ANKFY1: variants seen among roughly 807,000 people sequenced by gnomAD.
ANKFY1 encodes the protein ankyrin repeat and FYVE domain containing 1, also known as ankyrin repeat and FYVE domain-containing protein 1.
Under a neutral mutation model 128.3 loss-of-function variants are expected in ANKFY1, and 47 were observed. The observed-to-expected ratio is 0.37, with a 90% confidence interval of 0.29 to 0.47. The LOEUF is 0.47. Ranked by LOEUF, ANKFY1 falls within the 20% of genes least tolerant of loss-of-function variation. The pLI is 1.00. For missense variants in ANKFY1, 1,222 were observed against 1,510.6 expected, an observed-to-expected ratio of 0.81 and a Z score of 3.17; for synonymous variants, 553 against 601.6, an observed-to-expected ratio of 0.92 and a Z score of 1.18.
chr17:4,185,104 G>A, intron 11 of ANKFY1, 58 bp from the exon 12 acceptor site: 1 of 1,510,194 alleles, frequency 6.6e-7, no homozygotes, highest in Non-Finnish European at 9.0e-7. Flanking sequence ...TTCACAAAGA[G>A]CGTGGCAGCC....
intron 1 of ANKFY1, among the ~76,000 whole-genome samples, chr17:4,259,900 A>T (rs1338200949): frequency 6.6e-6 from 1 of 152,212 alleles, no homozygotes; most frequent in Non-Finnish European, 1.5e-5. Flanking sequence ...AACTGAACAG[A>T]CACTGAGTGA....
In ANKFY1 at chr17:4,172,617, A is replaced by T; in HGVS notation, c.3078T>A (p.Asp1026Glu). ...ACCCCGGCATGCATTCTAGGAAGAG[A>T]TCAAAGATGGCCGCTGCATTCTCCT... Reference protein sequence around the residue: ...YGKENAAAIFDLFLECMPGYP... With the variant: ...YGKENAAAIFELFLECMPGYP... The change falls in exon 22 of 25, where the codon GAT (aspartate) becomes GAA (glutamate). Residue 1026 changes from aspartate (D) to glutamate (E), a missense_variant. Asp to Glu is a conservative substitution (Grantham distance 45, BLOSUM62 2). Coordinates refer to ENST00000341657, the MANE Select transcript of ANKFY1 (RefSeq NM_001330063.2). The T allele has an allele frequency of 1.2e-6, 2 of 1,614,110 alleles. No homozygotes were observed. The highest frequency in any genetic ancestry group is 1.7e-6 in the Non-Finnish European group (2 of 1,179,980).
chr17:4,228,511 G>C (rs543247712), intron 3 of ANKFY1, among the ~76,000 whole-genome samples: 6 of 151,992 alleles, frequency 3.9e-5, no homozygotes, highest in Admixed American at 3.9e-4. Context: ...CTGCCTCCCA[G>C]GTTCAAGCAA....
intron 19 of ANKFY1, among the ~76,000 whole-genome samples, chr17:4,176,367 C>A (rs1201258836): frequency 4.6e-5 from 7 of 152,226 alleles, no homozygotes; most frequent in Admixed American, 4.6e-4. Context: ...CGACAGCCAG[C>A]TCTGAGGAGC....
rs1324242090 is a variant in ANKFY1 at position 4,169,576 on chromosome 17, G to A, written c.3287-288C>T. ...GTAGTCAGGGATGGCTGGGATGGAA[G>A]GCACGGTAGGGAGAGAACAGAGACC... On this transcript the variant is annotated intron_variant, in intron 23 of 24. Transcript: ENST00000341657. The surrounding 1 kb of genome is among the most constrained non-coding windows in gnomAD (Gnocchi z 5.0). 6.6e-6 allele frequency among the ~76,000 whole-genome samples: 1 copy of A among 152,224 alleles called. No individual in the cohort carries two copies. Among genetic ancestry groups the A allele is most frequent in the Non-Finnish European group, 1.5e-5 (1 of 68,042 alleles).
intron 14 of ANKFY1, among the ~76,000 whole-genome samples, chr17:4,182,658 C>A (rs1189363885): frequency 6.6e-6 from 1 of 152,216 alleles, no homozygotes; most frequent in Non-Finnish European, 1.5e-5. Context: ...CTTCCTTCCC[C>A]CACTCAGTCA....
chr17:4,196,215 GA>G (rs1487169627), intron 8 of ANKFY1, among the ~76,000 whole-genome samples: 1 of 137,378 alleles, frequency 7.3e-6, no homozygotes, highest in Non-Finnish European at 1.5e-5. Context: ...GCCGTTGGAG[GA>G]AAAAAATGAA....
intron 4 of ANKFY1, among the ~76,000 whole-genome samples, chr17:4,210,495 G>A (rs968530036): frequency 2.6e-5 from 4 of 152,144 alleles, no homozygotes; most frequent in Non-Finnish European, 5.9e-5. Flanking sequence ...GATCACCTGA[G>A]GTCGGGAGTT....
At chr17:4,214,640 C>G (rs1011552540) in intron 4 of ANKFY1, among the ~76,000 whole-genome samples, 6 of 151,918 alleles carry the variant, frequency 3.9e-5, no homozygotes, top group Non-Finnish European at 8.8e-5. Flanking sequence ...ATTCTCCTGC[C>G]TCAGCCTCCT....
rs113360679 is a variant in ANKFY1 at position 4,218,021 on chromosome 17, TAAAA to T, written c.323-907_323-904del. On this transcript the variant is annotated intron_variant, in intron 3 of 24. Coordinates refer to ENST00000341657, the MANE Select transcript of ANKFY1 (RefSeq NM_001330063.2). ...CTTTATGATAAAAAGACCTTACAAA[TAAAA>T]ATAAAAAGACGGATACCCAATGGAA... is the stretch of plus-strand genomic sequence containing the variant. Among the ~76,000 whole-genome samples, 169 of 152,084 alleles carry T rather than the reference TAAAA, an allele frequency of 1.1e-3. 1 individual carries two copies. The highest frequency in any genetic ancestry group is 3.9e-3 in the African/African-American group (162 of 41,472).
intron 1 of ANKFY1, among the ~76,000 whole-genome samples, chr17:4,261,365 A>G (rs1968405955): frequency 6.6e-6 from 1 of 152,172 alleles, no homozygotes; most frequent in South Asian, 2.1e-4. Context: ...CTGTAATCCC[A>G]GCTACTTGGG....
At chr17:4,183,710 T>TTA in intron 13 of ANKFY1, 102 bp downstream of exon 13, 2 of 1,418,942 alleles carry the variant, frequency 1.4e-6, no homozygotes. Flanking sequence ...AACCAAATGA[T>TTA]TAGCCCAGTC....
rs1411171420 is a variant in ANKFY1 at position 4,197,448 on chromosome 17, A to T, written c.1028T>A (p.Met343Lys). 2.5e-6 allele frequency: 4 copies of T among 1,614,114 alleles called. No individual in the cohort carries two copies. The highest frequency in any genetic ancestry group is 2.7e-5 in the African/African-American group (2 of 74,936). The part of the protein sequence containing the change: ...YSSKKHSADV[M>K]SEMAQIAEAL... ...CTCTGCAATCTGCGCCATCTCAGAC[A>T]TCACATCTGCTGAGTGTTTCTTTGA... The change falls in exon 8 of 25, where the codon ATG becomes AAG. Residue 343 changes from methionine to lysine, a missense_variant. By Grantham distance (95) the Met-to-Lys change is moderately conservative. Transcript: ENST00000341657.
chr17:4,238,253 G>A (rs1024698036), intron 2 of ANKFY1, among the ~76,000 whole-genome samples: 1 of 149,368 alleles, frequency 6.7e-6, no homozygotes, highest in Non-Finnish European at 1.5e-5. Flanking sequence ...CTACTAAGAT[G>A]TACATAAAAA....
chr17:4,218,959 T>A (rs1014886543), intron 3 of ANKFY1, among the ~76,000 whole-genome samples: 1 of 152,072 alleles, frequency 6.6e-6, no homozygotes, highest in Non-Finnish European at 1.5e-5. Context: ...ATATATATAA[T>A]ACCTACACAC....
intron 10 of ANKFY1, among the ~76,000 whole-genome samples, chr17:4,192,150 T>C (rs2059728492): frequency 1.4e-5 from 2 of 144,580 alleles, no homozygotes; most frequent in Non-Finnish European, 3.0e-5. Context: ...TCTTAGTTGA[T>C]GGTTGCTCTA....
chr17:4,238,385 C>T (rs781269842), intron 2 of ANKFY1, among the ~76,000 whole-genome samples: 8 of 152,106 alleles, frequency 5.3e-5, no homozygotes, highest in Non-Finnish European at 1.2e-4. Flanking sequence ...ATCTCGACAG[C>T]TTAGTCCCCT....
intron 23 of ANKFY1, 35 bp downstream of exon 23, chr17:4,170,680 G>GCTTGCA (rs1353227485): frequency 6.3e-7 from 1 of 1,586,746 alleles, no homozygotes; most frequent in Admixed American, 1.7e-5. Context: ...CTACGACTGT[G>GCTTGCA]CTTGCACTGT....
Position 4,195,487 on chromosome 17 carries a change from G to C in ANKFY1, c.1104-16C>G. On this transcript the variant is annotated splice_polypyrimidine_tract_variant and intron_variant, in intron 8 of 24. Coordinates refer to ENST00000341657, the MANE Select transcript of ANKFY1 (RefSeq NM_001330063.2). ...TAAAGGAGTCCTGCGGGATCCAAAA[G>C]AAGAGGGGTCAGTTCAGGACAGGCC... 1 of 1,612,376 alleles carries C rather than the reference G, an allele frequency of 6.2e-7. No homozygotes were observed. The highest frequency in any genetic ancestry group is 1.3e-5 in the African/African-American group (1 of 75,002).
Sources: allele counts gnomAD v4.1 joint callset (sites outside exome capture counted in the v4.1 genomes callset), GRCh38; gene constraint gnomAD v4.1.1; non-coding constraint Gnocchi (gnomAD v3.1); transcripts MANE v1.5; gene names NCBI Gene and HGNC (gene_info 2026-07-23, HGNC 2026-07-21).